JAKMIP1: variants seen among roughly 807,000 people sequenced by gnomAD.
JAKMIP1 encodes janus kinase and microtubule interacting protein 1.
In JAKMIP1, 33 loss-of-function variants were observed where a neutral mutation model predicts 113.0. That is an observed-to-expected ratio of 0.29 (90% CI 0.22 to 0.39). JAKMIP1 has a LOEUF of 0.39. Among genes scored for constraint, JAKMIP1 ranks in the 10% least tolerant of loss-of-function variants. The probability of loss-of-function intolerance (pLI) is 1.00; values close to 1 mark genes in which losing one functional copy is unlikely to be tolerated. For missense variants in JAKMIP1, 813 were observed against 1,080.5 expected (o/e 0.75, Z 3.47); for synonymous variants, 480 against 459.9 (o/e 1.04, Z -0.56).
chr4:6,040,689 G>C lies in JAKMIP1; in HGVS notation c.2125C>G (p.Leu709Val). 1 of 1,613,616 alleles carries C rather than the reference G, an allele frequency of 6.2e-7. No individual in the cohort carries two copies. Among genetic ancestry groups the C allele is most frequent in the East Asian group, 2.2e-5 (1 of 44,888 alleles). ...KDLFSRQKGY[L>V]EEELDYRKQA... ...TTCCGGTAGTCGAGCTCCTCTTCCA[G>C]GTAGCCCTTCTGCCTGCTGAACAGG... The change falls in exon 18 of 21, where the codon CTG (leucine) becomes GTG (valine). Residue 709 changes from leucine to valine, a missense_variant. Physicochemically the swap from Leu to Val is conservative, Grantham distance 32 (BLOSUM62 1). Around this residue, in one of 2 missense-constraint regions of JAKMIP1, gnomAD observed 273 missense variants for 426.6 expected, o/e 0.64. Transcript: ENST00000409021. The surrounding 1 kb of genome is among the most constrained non-coding windows in gnomAD (Gnocchi z 5.8).
intron 1 of JAKMIP1, among the ~76,000 whole-genome samples, chr4:6,161,285 C>G (rs2109003057): frequency 6.6e-6 from 1 of 151,442 alleles, no homozygotes. Context: ...CTGACCTCCA[C>G]TCAGCTCCCT....
At chr4:6,177,043 T>G (rs1725421718) in intron 1 of JAKMIP1, among the ~76,000 whole-genome samples, 1 of 152,044 alleles carries the variant, frequency 6.6e-6, no homozygotes. Flanking sequence ...CAAAAAAATT[T>G]TTTTTAAATG....
At position 6,131,173 on chromosome 4, in the gene JAKMIP1, A is replaced by AAAAAAAAAAAAAAAAAAAAAG. The variant is rs71173409; in HGVS notation, c.-147-18177_-147-18176insCTTTTTTTTTTTTTTTTTTTT. Among the ~76,000 whole-genome samples the AAAAAAAAAAAAAAAAAAAAAG allele has an allele frequency of 1.3e-4, 12 of 95,486 alleles. 1 individual carries two copies. The highest frequency in any genetic ancestry group is 3.6e-4 in the East Asian group (1 of 2,754). 62.6% of individuals were successfully genotyped at this position (95,486 alleles called of 152,430 possible). The stretch of plus-strand genomic sequence containing the variant: ...TAAGACCTTGCCTCCAAAAAAAAAA[A>AAAAAAAAAAAAAAAAAAAAAG]AATATCCCAGGACTATAAGACAACT... On this transcript the variant is annotated intron_variant, in intron 1 of 20. Coordinates refer to ENST00000409021, the MANE Select transcript of JAKMIP1 (RefSeq NM_001099433.2).
At position 6,188,885 on chromosome 4, in the gene JAKMIP1, G is replaced by A. The variant is rs1726923571; in HGVS notation, c.-148+11368C>T. On this transcript the variant is annotated intron_variant, in intron 1 of 20. Transcript: ENST00000409021. The surrounding 1 kb of genome is among the most constrained non-coding windows in gnomAD (Gnocchi z 5.8). Reference sequence around the variant, plus strand: ...TCAGGAAAGCACCCATCTGCCCAGTGGTTTAAATAGATTAGGCACAATGTG... The same window carrying A: ...TCAGGAAAGCACCCATCTGCCCAGTAGTTTAAATAGATTAGGCACAATGTG... 6.6e-6 allele frequency among the ~76,000 whole-genome samples: 1 copy of A among 152,150 alleles called. No individual in the cohort carries two copies.
At chr4:6,170,312 C>T (rs1288157639) in intron 1 of JAKMIP1, among the ~76,000 whole-genome samples, 5 of 135,496 alleles carry the variant, frequency 3.7e-5, no homozygotes, top group African/African-American at 1.1e-4. Context: ...CATCATAACC[C>T]TCTCCACCAT....
intron 20 of JAKMIP1, among the ~76,000 whole-genome samples, chr4:6,027,504 G>C (rs1016899659): frequency 6.6e-6 from 1 of 152,210 alleles, no homozygotes; most frequent in Non-Finnish European, 1.5e-5. Flanking sequence ...CAAGGGGCCA[G>C]GGATAGTGGT....
At position 6,158,777 on chromosome 4, in the gene JAKMIP1, G is replaced by A. The variant is rs1202649465; in HGVS notation, c.-148+41476C>T. ...GAGAAAGCCCAAAAACAGATCCAAG[G>A]ATGTACACAGGAATTTAAAACACAT... On this transcript the variant is annotated intron_variant, in intron 1 of 20. Coordinates refer to ENST00000409021, the MANE Select transcript of JAKMIP1 (RefSeq NM_001099433.2). This position sits in a 1 kb window ranked among gnomAD's most constrained non-coding sequence, Gnocchi z 5.3. Among the ~76,000 whole-genome samples, 1 of 152,138 alleles carries A rather than the reference G, an allele frequency of 6.6e-6. No homozygotes were observed. The highest frequency in any genetic ancestry group is 1.5e-5 in the Non-Finnish European group (1 of 68,030).
In JAKMIP1 at chr4:6,183,481, T is replaced by TAAATAAATAAAA. The variant is rs1726284700; in HGVS notation, c.-148+16771_-148+16772insTTTTATTTATTT. On this transcript the variant is annotated intron_variant, in intron 1 of 20. Coordinates refer to ENST00000409021, the MANE Select transcript of JAKMIP1 (RefSeq NM_001099433.2). This position sits in a 1 kb window ranked among gnomAD's most constrained non-coding sequence, Gnocchi z 5.3. ...GTGACAGAGCAAGACTCTGTCTCAA[T>TAAATAAATAAAA]AAATAAATAAATAAATAAATAAATA... is the stretch of plus-strand genomic sequence containing the variant. Among the ~76,000 whole-genome samples, 1 of 147,886 alleles carries TAAATAAATAAAA rather than the reference T, an allele frequency of 6.8e-6. No homozygotes were observed. The highest frequency in any genetic ancestry group is 2.0e-4 in the East Asian group (1 of 5,114).
At chr4:6,196,733 T>C (rs1578533083) in intron 1 of JAKMIP1, among the ~76,000 whole-genome samples, 1 of 152,004 alleles carries the variant, frequency 6.6e-6, no homozygotes, top group East Asian at 1.9e-4. Context: ...TGGTGGCAGG[T>C]GCCTGTAATC....
chr4:6,058,247 T>C (rs1716764313), intron 11 of JAKMIP1, among the ~76,000 whole-genome samples: 1 of 152,242 alleles, frequency 6.6e-6, no homozygotes, highest in South Asian at 2.1e-4. Flanking sequence ...AAAGTTTCCC[T>C]TCTTATGAAA....
intron 1 of JAKMIP1, among the ~76,000 whole-genome samples, chr4:6,161,376 A>G (rs930020253): frequency 1.4e-5 from 2 of 144,678 alleles, no homozygotes; most frequent in East Asian, 3.9e-4. Context: ...TTGTGGTCCG[A>G]CCTATCTGGC....
Position 6,050,546 on chromosome 4 carries a change from C to T in JAKMIP1, c.1908+32G>A. ...GGGCACTGAGCGAGCCCTTGGCTGG[C>T]ATTCAGCAGAGGCACCCCCCAGGCA... On this transcript the variant is annotated intron_variant, in intron 14 of 20. Coordinates refer to ENST00000409021, the MANE Select transcript of JAKMIP1 (RefSeq NM_001099433.2). This position sits in a 1 kb window ranked among gnomAD's most constrained non-coding sequence, Gnocchi z 7.4. The T allele has an allele frequency of 6.7e-7, 1 of 1,491,744 alleles. No homozygotes were observed. The highest frequency in any genetic ancestry group is 2.0e-5 in the Admixed American group (1 of 50,638). 92.4% of individuals were successfully genotyped at this position (1,491,744 alleles called of 1,614,324 possible).
intron 19 of JAKMIP1, 109 bp downstream of exon 19, chr4:6,035,795 T>C: frequency 1.1e-6 from 1 of 930,156 alleles, no homozygotes; most frequent in Non-Finnish European, 1.6e-6. Flanking sequence ...TACCACCAAC[T>C]CTCCCTGGAA....
In JAKMIP1 at chr4:6,136,349, A is replaced by T. The variant is rs146301898; in HGVS notation, c.-147-23352T>A. ...TGCTTGAACCCAAAAGACCATGGGA[A>T]TATTTAAGTACTTCTGACAAATCAG... is the stretch of plus-strand genomic sequence containing the variant. On this transcript the variant is annotated intron_variant, in intron 1 of 20. Transcript: ENST00000409021. The surrounding 1 kb of genome is among the most constrained non-coding windows in gnomAD (Gnocchi z 5.9). Among the ~76,000 whole-genome samples the T allele has an allele frequency of 1.2e-3, 179 of 152,248 alleles. 1 individual carries two copies. The highest frequency in any genetic ancestry group is 4.2e-3 in the African/African-American group (173 of 41,548).
intron 19 of JAKMIP1, among the ~76,000 whole-genome samples, chr4:6,035,283 C>T (rs374403908): frequency 1.1e-4 from 17 of 152,060 alleles, no homozygotes; most frequent in African/African-American, 3.4e-4. Flanking sequence ...GGAAAATGGA[C>T]GTCATAGTGC....
chr4:6,047,968 C>T (rs1320644928), intron 16 of JAKMIP1, among the ~76,000 whole-genome samples: 2 of 152,008 alleles, frequency 1.3e-5, no homozygotes, highest in African/African-American at 4.8e-5. Flanking sequence ...AAGACAATGA[C>T]AATGAATACA....
chr4:6,175,049 A>C (rs1464255121), intron 1 of JAKMIP1, among the ~76,000 whole-genome samples: 1 of 151,970 alleles, frequency 6.6e-6, no homozygotes, highest in Admixed American at 6.6e-5. Context: ...TAAAAACCAA[A>C]CTCCTTAGCC....
At position 6,135,061 on chromosome 4, in the gene JAKMIP1, T is replaced by C. The variant is rs1317938301; in HGVS notation, c.-147-22064A>G. ...CTCGTGTATCTCTGGTCTGGTATCGTTGGGGCAGAGCTGCTCAGTCTCCAT... is the reference window on the plus strand; with the variant it reads ...CTCGTGTATCTCTGGTCTGGTATCGCTGGGGCAGAGCTGCTCAGTCTCCAT... On this transcript the variant is annotated intron_variant, in intron 1 of 20. Coordinates refer to ENST00000409021, the MANE Select transcript of JAKMIP1 (RefSeq NM_001099433.2). This position sits in a 1 kb window ranked among gnomAD's most constrained non-coding sequence, Gnocchi z 4.9. 6.7e-6 allele frequency among the ~76,000 whole-genome samples: 1 copy of C among 149,410 alleles called. No homozygotes were observed. The highest frequency in any genetic ancestry group is 1.5e-5 in the Non-Finnish European group (1 of 66,934).
chr4:6,159,100 A>AT (rs1722596224), intron 1 of JAKMIP1, among the ~76,000 whole-genome samples: 1 of 151,702 alleles, frequency 6.6e-6, no homozygotes, highest in Non-Finnish European at 1.5e-5. Context: ...AAAAAAAAAA[A>AT]AATTAATAAA....
Sources: allele counts gnomAD v4.1 joint callset (sites outside exome capture counted in the v4.1 genomes callset), GRCh38; gene constraint gnomAD v4.1.1; regional missense constraint gnomAD v4.1.1; non-coding constraint Gnocchi (gnomAD v3.1); transcripts MANE v1.5; gene names NCBI Gene and HGNC (gene_info 2026-07-23, HGNC 2026-07-21).